CCSER1: variants seen among roughly 807,000 people sequenced by gnomAD.
CCSER1 encodes the protein serine-rich coiled-coil domain-containing protein 1.
CCSER1 carries 41 observed loss-of-function variants against 82.0 expected under a neutral mutation model. The observed-to-expected ratio is 0.50, with a 90% CI of 0.39 to 0.65. The LOEUF is 0.65. Ranked by LOEUF, CCSER1 falls within the 30% of genes least tolerant of loss-of-function variation. The pLI, the probability that CCSER1 is intolerant of heterozygous loss-of-function variation, is 0.00. For synonymous variants in CCSER1, 414 were observed against 383.9 expected (o/e 1.08, Z -0.92); for missense variants, 1,119 against 1,064.2 (o/e 1.05, Z -0.72).
intron 9 of CCSER1, among the ~76,000 whole-genome samples, chr4:90,948,726 A>T (rs536308874): frequency 6.6e-6 from 1 of 152,040 alleles, no homozygotes; most frequent in Non-Finnish European, 1.5e-5. Flanking sequence ...ATTAGGTAAA[A>T]TATCAGACTA....
rs1763903751 is a variant in CCSER1 at position 90,468,307 on chromosome 4, A to T, written c.1677A>T (p.Ile559=). The change falls in exon 5 of 11, where the codon ATA becomes ATT. Residue 559 remains isoleucine, a synonymous_variant. Transcript: ENST00000509176. The stretch of plus-strand genomic sequence containing the variant: ...TTCTTACTCCTATGGAACCAATGAT[A>T]GAAATGAAGAAAAGAGAAGAACCAG... ...AVVLTPMEPM[I]EMKKREEPEF... 6.2e-7 allele frequency: 1 copy of T among 1,608,962 alleles called. No homozygotes were observed. The highest frequency in any genetic ancestry group is 8.5e-7 in the Non-Finnish European group (1 of 1,176,794).
chr4:90,957,591 A>T (rs145652920), intron 9 of CCSER1, among the ~76,000 whole-genome samples: 1 of 130,606 alleles, frequency 7.7e-6, no homozygotes, highest in African/African-American at 2.9e-5. Context: ...ATATATTATT[A>T]TTTATATTAT....
At chr4:90,280,255 T>C (rs1040319685) in intron 1 of CCSER1, among the ~76,000 whole-genome samples, 4 of 151,972 alleles carry the variant, frequency 2.6e-5, no homozygotes, top group Non-Finnish European at 5.9e-5. Flanking sequence ...CAAACTGTAA[T>C]GATGAATTTT....
intron 10 of CCSER1, among the ~76,000 whole-genome samples, chr4:91,398,831 AG>A (rs1326314232): frequency 2.0e-5 from 3 of 151,906 alleles, no homozygotes; most frequent in Non-Finnish European, 2.9e-5. Flanking sequence ...CCTTAAGGAC[AG>A]AAGAGCTTAT....
chr4:91,542,733 A>G (rs925058166), intron 10 of CCSER1, among the ~76,000 whole-genome samples: 10 of 152,114 alleles, frequency 6.6e-5, no homozygotes, highest in African/African-American at 2.2e-4. Flanking sequence ...TATGTGGTCA[A>G]TTTTGGAATA....
At chr4:90,211,157 C>A (rs903521678) in intron 1 of CCSER1, among the ~76,000 whole-genome samples, 8 of 152,234 alleles carry the variant, frequency 5.3e-5, no homozygotes, top group Admixed American at 3.9e-4. Context: ...TTGAAAAATT[C>A]TTTTTAAACT....
intron 10 of CCSER1, among the ~76,000 whole-genome samples, chr4:91,331,675 TG>T (rs1342680668): frequency 6.6e-6 from 1 of 152,172 alleles, no homozygotes; most frequent in African/African-American, 2.4e-5. Context: ...CTCCATAAGA[TG>T]TGTTTTGAGC....
At chr4:90,555,322 G>A (rs1195629366) in intron 5 of CCSER1, among the ~76,000 whole-genome samples, 3 of 152,058 alleles carry the variant, frequency 2.0e-5, no homozygotes, top group Non-Finnish European at 4.4e-5. Context: ...AAAGACACAT[G>A]TTTTGGCAAA....
chr4:90,800,927 G>A (rs1299405907), intron 7 of CCSER1, among the ~76,000 whole-genome samples: 2 of 152,090 alleles, frequency 1.3e-5, no homozygotes, highest in African/African-American at 4.8e-5. Context: ...GGAAAGACTT[G>A]AGTAGTGTTT....
At chr4:91,158,403 C>A (rs1212844979) in intron 10 of CCSER1, among the ~76,000 whole-genome samples, 2 of 151,952 alleles carry the variant, frequency 1.3e-5, no homozygotes, top group African/African-American at 4.8e-5. Context: ...AAATCAGCAA[C>A]TATTGTCTTC....
intron 5 of CCSER1, among the ~76,000 whole-genome samples, chr4:90,505,453 T>A (rs1439370634): frequency 6.6e-6 from 1 of 152,202 alleles, no homozygotes; most frequent in East Asian, 1.9e-4. Context: ...GTCTAAGTGA[T>A]GCTGATTGAT....
chr4:91,069,601 C>T (rs1721216172), intron 9 of CCSER1, among the ~76,000 whole-genome samples: 1 of 152,060 alleles, frequency 6.6e-6, no homozygotes, highest in South Asian at 2.1e-4. Context: ...GAAGAATAGT[C>T]AGTACACAAA....
At chr4:90,822,626 G>T (rs984221390) in intron 8 of CCSER1, among the ~76,000 whole-genome samples, 1 of 151,516 alleles carries the variant, frequency 6.6e-6, no homozygotes. Context: ...CACTCCCGAG[G>T]CTGAGACAGG....
intron 5 of CCSER1, among the ~76,000 whole-genome samples, chr4:90,529,165 C>T (rs552408248): frequency 2.6e-4 from 39 of 152,104 alleles, no homozygotes; most frequent in Non-Finnish European, 4.9e-4. Context: ...TGTATATACA[C>T]GTTGTGTTTC....
At chr4:90,947,379 T>C (rs1279619699) in intron 9 of CCSER1, among the ~76,000 whole-genome samples, 2 of 152,214 alleles carry the variant, frequency 1.3e-5, no homozygotes, top group African/African-American at 4.8e-5. Flanking sequence ...TAACCTGTAA[T>C]TGAATATTTC....
intron 7 of CCSER1, among the ~76,000 whole-genome samples, chr4:90,743,452 T>A (rs1329784356): frequency 6.6e-6 from 1 of 152,212 alleles, no homozygotes; most frequent in Non-Finnish European, 1.5e-5. Context: ...CATGAACACG[T>A]CTTCTTTTTC....
intron 1 of CCSER1, among the ~76,000 whole-genome samples, chr4:90,247,969 T>G (rs1025968804): frequency 6.6e-6 from 1 of 152,134 alleles, no homozygotes; most frequent in African/African-American, 2.4e-5. Context: ...ATATCTTTTT[T>G]GGGTCAAAAA....
chr4:90,558,025 CAG>C (rs1431881966), intron 5 of CCSER1, among the ~76,000 whole-genome samples: 1 of 152,070 alleles, frequency 6.6e-6, no homozygotes, highest in Non-Finnish European at 1.5e-5. Context: ...TGCTAGGTAA[CAG>C]ATAAAATTGC....
At chr4:90,210,431 T>A (rs1739745754) in intron 1 of CCSER1, among the ~76,000 whole-genome samples, 2 of 124,278 alleles carry the variant, frequency 1.6e-5, no homozygotes, top group African/African-American at 3.5e-5. Flanking sequence ...CTATCATTTC[T>A]TTTCTTTTCT....
Sources: allele counts gnomAD v4.1 joint callset (sites outside exome capture counted in the v4.1 genomes callset), GRCh38; gene constraint gnomAD v4.1.1; transcripts MANE v1.5; gene names NCBI Gene and HGNC (gene_info 2026-07-23, HGNC 2026-07-21).